Variants in PDE4D observed in about 807,000 individuals in gnomAD.
PDE4D encodes 3',5'-cyclic-AMP phosphodiesterase 4D.
Under a neutral mutation model 87.4 loss-of-function variants are expected in PDE4D, and 24 were observed. That is an observed-to-expected ratio of 0.27 (90% CI 0.20 to 0.39). PDE4D has a LOEUF of 0.39. Among genes scored for constraint, PDE4D ranks in the 10% least tolerant of loss-of-function variants. The probability of loss-of-function intolerance (pLI) is 1.00; values close to 1 mark genes in which losing one functional copy is unlikely to be tolerated. For synonymous variants in PDE4D, 384 were observed against 383.2 expected, an observed-to-expected ratio of 1.00 and a Z score of -0.02; for missense variants, 714 against 1,041.0, an observed-to-expected ratio of 0.69 and a Z score of 4.32.
At chr5:60,296,924 C>A (rs1753451087) in intron 1 of PDE4D, among the ~76,000 whole-genome samples, 1 of 151,958 alleles carries the variant, frequency 6.6e-6, no homozygotes, top group South Asian at 2.1e-4. Context: ...GGGAACATCA[C>A]ACACCAGGGC....
At chr5:60,436,998 G>A (rs1191806067) in intron 1 of PDE4D, among the ~76,000 whole-genome samples, 2 of 152,018 alleles carry the variant, frequency 1.3e-5, no homozygotes, top group African/African-American at 4.8e-5. Flanking sequence ...TGGAGCTAGA[G>A]GTCTTGAGTT....
intron 1 of PDE4D, among the ~76,000 whole-genome samples, chr5:60,216,315 A>T (rs1174655113): frequency 1.3e-5 from 2 of 152,078 alleles, no homozygotes; most frequent in Non-Finnish European, 2.9e-5. Flanking sequence ...AGCTCACATG[A>T]GTCAAGCATT....
intron 2 of PDE4D, among the ~76,000 whole-genome samples, chr5:60,023,150 A>G (rs1766258514): frequency 1.3e-5 from 2 of 152,186 alleles, no homozygotes; most frequent in Non-Finnish European, 2.9e-5. Flanking sequence ...GAATAATAAT[A>G]GCAGGATTTA....
intron 5 of PDE4D, among the ~76,000 whole-genome samples, chr5:59,160,652 G>C (rs1034471748): frequency 6.6e-6 from 1 of 152,042 alleles, no homozygotes; most frequent in South Asian, 2.1e-4. Flanking sequence ...CCCCCAAGGT[G>C]ATTTTAAGGA....
intron 1 of PDE4D, among the ~76,000 whole-genome samples, chr5:59,256,340 T>A (rs538382929): frequency 2.6e-5 from 4 of 152,060 alleles, no homozygotes; most frequent in Non-Finnish European, 5.9e-5. Flanking sequence ...GCTCTGGAAG[T>A]TGAGAAAGAG....
chr5:59,017,202 T>C (rs1200999756), intron 6 of PDE4D, among the ~76,000 whole-genome samples: 1 of 152,178 alleles, frequency 6.6e-6, no homozygotes, highest in African/African-American at 2.4e-5. Context: ...AGGATACCAT[T>C]AGAAGGTTCT....
chr5:60,087,950 T>C (rs1265135799), intron 2 of PDE4D, among the ~76,000 whole-genome samples: 3 of 152,034 alleles, frequency 2.0e-5, no homozygotes, highest in Non-Finnish European at 4.4e-5. Context: ...CCAGATATAT[T>C]ATAATGAAAT....
At chr5:60,163,333 C>A (rs563779157) in intron 2 of PDE4D, among the ~76,000 whole-genome samples, 1 of 152,134 alleles carries the variant, frequency 6.6e-6, no homozygotes, top group East Asian at 1.9e-4. Flanking sequence ...GAGTCCATTT[C>A]TACATATTTT....
chr5:59,544,771 A>G (rs971945721), intron 1 of PDE4D, among the ~76,000 whole-genome samples: 2 of 152,174 alleles, frequency 1.3e-5, no homozygotes, highest in Non-Finnish European at 2.9e-5. Flanking sequence ...TGTAGTGTCA[A>G]TGTGTGTCCT....
At chr5:59,843,911 T>C (rs949428782) in intron 1 of PDE4D, among the ~76,000 whole-genome samples, 2 of 152,000 alleles carry the variant, frequency 1.3e-5, no homozygotes, top group Non-Finnish European at 1.5e-5. Flanking sequence ...TATAAGAAAA[T>C]TGAGGTAGAG....
At chr5:59,133,350 A>G (rs1776548240) in intron 5 of PDE4D, among the ~76,000 whole-genome samples, 1 of 152,186 alleles carries the variant, frequency 6.6e-6, no homozygotes, top group Admixed American at 6.5e-5. Flanking sequence ...CTTGGTGAAG[A>G]TAAGCAAGTT....
At chr5:60,330,140 T>G (rs1036034769) in intron 1 of PDE4D, among the ~76,000 whole-genome samples, 1 of 152,226 alleles carries the variant, frequency 6.6e-6, no homozygotes, top group Non-Finnish European at 1.5e-5. Flanking sequence ...GTAAGATTTT[T>G]GTGAAAGGAA....
intron 1 of PDE4D, among the ~76,000 whole-genome samples, chr5:60,444,406 G>C (rs1027279318): frequency 6.6e-6 from 1 of 152,144 alleles, no homozygotes; most frequent in African/African-American, 2.4e-5. Context: ...AGTGGGCTCT[G>C]TGGTTACAAA....
rs2409681 is a variant in PDE4D, at chr5:60,076,765, T to C, written c.43-88048A>G. 7.4e-3 allele frequency among the ~76,000 whole-genome samples: 1,132 copies of C among 152,264 alleles called. 18 individuals carry two copies. Among genetic ancestry groups the C allele is most frequent in the African/African-American group, 0.025 (1,020 of 41,560 alleles). On this transcript the variant is annotated intron_variant, in intron 2 of 16. Coordinates refer to the PDE4D transcript ENST00000502484. ...GGGTAGTGCCAGACAAAGAGCTTCA[T>C]AGGGCAGAGGCAGCAGAATCTGTTC...
intron 6 of PDE4D, among the ~76,000 whole-genome samples, chr5:59,030,595 T>A (rs1757205641): frequency 1.3e-5 from 2 of 151,458 alleles, no homozygotes; most frequent in Non-Finnish European, 1.5e-5. Flanking sequence ...AAAAGCCAGG[T>A]ATGGTGGCAC....
At chr5:60,189,931 C>T (rs1306317101) in intron 1 of PDE4D, among the ~76,000 whole-genome samples, 4 of 152,218 alleles carry the variant, frequency 2.6e-5, no homozygotes, top group Admixed American at 6.5e-5. Context: ...CTCTAACTTA[C>T]TGTTGTCTCC....
At chr5:60,387,375 T>C (rs1384741969) in intron 1 of PDE4D, among the ~76,000 whole-genome samples, 2 of 152,234 alleles carry the variant, frequency 1.3e-5, no homozygotes. Context: ...TTTTCTATTT[T>C]GTGAGACTTT....
intron 3 of PDE4D, among the ~76,000 whole-genome samples, chr5:59,940,287 T>C (rs1757044375): frequency 6.6e-6 from 1 of 152,116 alleles, no homozygotes. Context: ...GCACATACCA[T>C]GATTAGATTT....
chr5:60,340,607 T>A (rs113192350), intron 1 of PDE4D, among the ~76,000 whole-genome samples: 1 of 138,548 alleles, frequency 7.2e-6, no homozygotes, highest in Non-Finnish European at 1.6e-5. Flanking sequence ...TCACATCATT[T>A]AAAAAAAAAA....
Sources: allele counts gnomAD v4.1 joint callset (sites outside exome capture counted in the v4.1 genomes callset), GRCh38; gene constraint gnomAD v4.1.1; transcripts MANE v1.5; gene names NCBI Gene and HGNC (gene_info 2026-07-23, HGNC 2026-07-21).